MAP3K13: variants seen among roughly 807,000 people sequenced by gnomAD.
The protein encoded by MAP3K13 is leucine zipper-bearing kinase.
A neutral mutation model predicts 104.0 loss-of-function variants in MAP3K13; 52 were observed. The observed-to-expected ratio is 0.50, with a 90% CI of 0.40 to 0.63. The LOEUF (loss-of-function observed/expected upper bound fraction) is 0.63. MAP3K13 is among the 20% of genes least tolerant of loss of function. The pLI, the probability that MAP3K13 is intolerant of heterozygous loss-of-function variation, is 0.00. For synonymous variants in MAP3K13, 394 were observed against 442.2 expected (o/e 0.89, Z 1.37); for missense variants, 914 against 1,218.5 (o/e 0.75, Z 3.72).
At chr3:185,348,017 A>AG in intron 2 of MAP3K13, among the ~76,000 whole-genome samples, 1 of 151,570 alleles carries the variant, frequency 6.6e-6, no homozygotes, top group Non-Finnish European at 1.5e-5. Flanking sequence ...CGTCTCAAAA[A>AG]AAAAAAAAAA....
At chr3:185,405,030 A>G (rs1012697178) in intron 1 of MAP3K13, among the ~76,000 whole-genome samples, 4 of 152,116 alleles carry the variant, frequency 2.6e-5, no homozygotes, top group Non-Finnish European at 4.4e-5. Context: ...TTCTTAGTTG[A>G]TGTTCTCACT....
intron 10 of MAP3K13, among the ~76,000 whole-genome samples, chr3:185,469,658 TG>T (rs1560130216): frequency 1.3e-5 from 2 of 152,232 alleles, no homozygotes; most frequent in African/African-American, 4.8e-5. Context: ...CATCTCCTGC[TG>T]CCTGCTGCCT....
At chr3:185,387,745 T>A (rs530393962) in intron 1 of MAP3K13, among the ~76,000 whole-genome samples, 2 of 152,228 alleles carry the variant, frequency 1.3e-5, no homozygotes, top group African/African-American at 2.4e-5. Context: ...AAGCCTTTCC[T>A]CTAAGAACTA....
intron 1 of MAP3K13, among the ~76,000 whole-genome samples, chr3:185,283,395 AC>A (rs1720381672): frequency 6.6e-6 from 1 of 152,162 alleles, no homozygotes; most frequent in East Asian, 1.9e-4. Flanking sequence ...CTAATAGGGG[AC>A]AGGGACCTCG....
At chr3:185,333,711 T>C (rs1460526868) in intron 2 of MAP3K13, among the ~76,000 whole-genome samples, 1 of 151,844 alleles carries the variant, frequency 6.6e-6, no homozygotes, top group Non-Finnish European at 1.5e-5. Context: ...CTGGGCAACA[T>C]AGCAAGACTT....
At chr3:185,368,224 A>G (rs1458787820) in intron 1 of MAP3K13, among the ~76,000 whole-genome samples, 2 of 152,234 alleles carry the variant, frequency 1.3e-5, no homozygotes, top group African/African-American at 4.8e-5. Context: ...CCCACTGTAC[A>G]GATGAGGAAA....
At chr3:185,360,346 A>G (rs1723552801), upstream of MAP3K13, among the ~76,000 whole-genome samples, 1 of 152,214 alleles carries the variant, frequency 6.6e-6, no homozygotes, top group South Asian at 2.1e-4. Flanking sequence ...TTTCAAATCT[A>G]TGGAATGCTC....
At chr3:185,311,768 A>G (rs1195495898) in intron 2 of MAP3K13, among the ~76,000 whole-genome samples, 2 of 152,230 alleles carry the variant, frequency 1.3e-5, no homozygotes, top group African/African-American at 2.4e-5. Flanking sequence ...TTTAGAAAAT[A>G]TGGTAGTCTT....
intron 2 of MAP3K13, among the ~76,000 whole-genome samples, chr3:185,307,840 C>T (rs984415907): frequency 2.6e-5 from 4 of 151,996 alleles, no homozygotes; most frequent in African/African-American, 9.7e-5. Context: ...CCACACCCAG[C>T]CTTTAAAATA....
intron 2 of MAP3K13, among the ~76,000 whole-genome samples, chr3:185,316,650 G>GT (rs967247950): frequency 3.0e-4 from 46 of 152,194 alleles, no homozygotes; most frequent in African/African-American, 9.6e-4. Flanking sequence ...GGAAAAAACA[G>GT]TTTTTTTGTT....
rs2108689408 is a variant in MAP3K13, at chr3:185,315,287, G to C, written c.-86+29644G>C. Among the ~76,000 whole-genome samples, 1 of 152,086 alleles carries C rather than the reference G, an allele frequency of 6.6e-6. No homozygotes were observed. The highest frequency in any genetic ancestry group is 1.9e-4 in the East Asian group (1 of 5,186). On this transcript the variant is annotated intron_variant, in intron 2 of 14. Transcript: ENST00000424227. The surrounding 1 kb of genome is among the most constrained non-coding windows in gnomAD (Gnocchi z 4.3). ...AAAAACTATAAATATATTACACATA[G>C]AACAATGGTCCTCAAACTTTAGTAT...
At position 185,329,337 on chromosome 3, in the gene MAP3K13, T is replaced by TAGATTCATAGTTAC. The variant is rs898879676; in HGVS notation, c.-86+43703_-86+43716dup. The TAGATTCATAGTTAC allele has an allele frequency of 1.5e-5, 10 of 679,770 alleles. No homozygotes were observed. The African/African-American group carries it at 1.8e-4, about 12-fold the overall frequency. The allele number at this position is 679,770 out of a possible 1,614,324, so 42.1% of individuals were successfully genotyped here. A position where few individuals can be genotyped will look rare whatever the true frequency, so the allele number is the denominator to read the frequency against. ...CTTTCCAGTTGCTTTTCCTCTGGTT[T>TAGATTCATAGTTAC]AGATTCATAGTTACAGATTCATGTC... On this transcript the variant is annotated intron_variant, in intron 2 of 14. Transcript: ENST00000424227.
upstream of MAP3K13, among the ~76,000 whole-genome samples, chr3:185,362,108 CACTG>C (rs1464573632): frequency 2.0e-5 from 3 of 152,168 alleles, no homozygotes; most frequent in Non-Finnish European, 4.4e-5. Context: ...TGTTCTTGGT[CACTG>C]GACACCTCAT....
At chr3:185,372,605 C>G (rs1456179600) in intron 1 of MAP3K13, among the ~76,000 whole-genome samples, 1 of 152,178 alleles carries the variant, frequency 6.6e-6, no homozygotes, top group Non-Finnish European at 1.5e-5. Flanking sequence ...AAAAGGTTAT[C>G]TACATTGATG....
intron 4 of MAP3K13, among the ~76,000 whole-genome samples, chr3:185,445,000 TA>T (rs1560109941): frequency 2.1e-5 from 3 of 142,108 alleles, no homozygotes. Context: ...AATAAAAATT[TA>T]AAAAAACTAT....
intron 10 of MAP3K13, among the ~76,000 whole-genome samples, chr3:185,468,219 A>C (rs116880063): frequency 6.6e-6 from 1 of 152,274 alleles, no homozygotes; most frequent in East Asian, 1.9e-4. Flanking sequence ...AAACAAAAGC[A>C]GGGCCTTTGA....
intron 7 of MAP3K13, among the ~76,000 whole-genome samples, chr3:185,458,252 C>T (rs1454481043): frequency 6.6e-6 from 1 of 151,492 alleles, no homozygotes; most frequent in Non-Finnish European, 1.5e-5. Context: ...CCTGTAATGC[C>T]AGCTACTTGG....
At chr3:185,399,200 G>T (rs1325655462) in intron 1 of MAP3K13, among the ~76,000 whole-genome samples, 1 of 151,864 alleles carries the variant, frequency 6.6e-6, no homozygotes, top group Non-Finnish European at 1.5e-5. Context: ...GTGAGGGGAG[G>T]AAAAAGAAAC....
chr3:185,303,566 G>C (rs2108681184), intron 2 of MAP3K13, among the ~76,000 whole-genome samples: 1 of 151,664 alleles, frequency 6.6e-6, no homozygotes, highest in East Asian at 1.9e-4. Context: ...TATGTTTCTA[G>C]AAATCTATCA....
Sources: allele counts gnomAD v4.1 joint callset (sites outside exome capture counted in the v4.1 genomes callset), GRCh38; gene constraint gnomAD v4.1.1; non-coding constraint Gnocchi (gnomAD v3.1); transcripts MANE v1.5; gene names NCBI Gene and HGNC (gene_info 2026-07-23, HGNC 2026-07-21).